The following LINGO2 variants were observed in gnomAD, a reference collection of about 807,000 sequenced individuals.
LINGO2 encodes leucine rich repeat and Ig domain containing 2, also known as leucine-rich repeat and immunoglobulin-like domain-containing nogo receptor-interacting protein 2.
A neutral mutation model predicts 30.6 loss-of-function variants in LINGO2; 14 were observed. The ratio of observed to expected loss-of-function variants is 0.46; its 90% CI spans 0.30 to 0.72. LINGO2 has a LOEUF of 0.72. Among genes scored for constraint, LINGO2 ranks in the 30% least tolerant of loss-of-function variants. The probability of loss-of-function intolerance (pLI) is 0.07; values close to 1 mark genes in which losing one functional copy is unlikely to be tolerated. For synonymous variants in LINGO2, 317 were observed against 288.5 expected, an observed-to-expected ratio of 1.10 and a Z score of -1.00; for missense variants, 729 against 751.7, an observed-to-expected ratio of 0.97 and a Z score of 0.35.
intron 4 of LINGO2, among the ~76,000 whole-genome samples, chr9:28,281,461 A>T (rs942272958): frequency 1.0e-3 from 100 of 96,894 alleles, no homozygotes; most frequent in African/African-American, 3.7e-3. Context: ...ATCAATTAAA[A>T]AATTTACATA....
At chr9:28,032,706 T>G (rs943244981) in intron 4 of LINGO2, among the ~76,000 whole-genome samples, 8 of 152,200 alleles carry the variant, frequency 5.3e-5, no homozygotes, top group Admixed American at 5.2e-4. Flanking sequence ...AATGAAAACC[T>G]ATAACCCATG....
chr9:28,008,455 C>T (rs1445527710), intron 5 of LINGO2, among the ~76,000 whole-genome samples: 1 of 149,442 alleles, frequency 6.7e-6, no homozygotes, highest in Non-Finnish European at 1.5e-5. Context: ...CACCATTGCA[C>T]TGAAGATTCT....
intron 1 of LINGO2, among the ~76,000 whole-genome samples, chr9:28,479,537 T>C (rs1253787662): frequency 1.3e-5 from 2 of 151,902 alleles, no homozygotes; most frequent in African/African-American, 4.8e-5. Flanking sequence ...CAAAGATCTT[T>C]CTGAAGGCAT....
chr9:28,306,259 A>C (rs1242979749), intron 3 of LINGO2, among the ~76,000 whole-genome samples: 1 of 152,138 alleles, frequency 6.6e-6, no homozygotes, highest in Non-Finnish European at 1.5e-5. Flanking sequence ...AAACATGTTT[A>C]AATATTTGTT....
the LINGO2 span, among the ~76,000 whole-genome samples, chr9:28,764,642 T>C: frequency 6.6e-6 from 1 of 151,856 alleles, no homozygotes; most frequent in Non-Finnish European, 1.5e-5. Context: ...GTACTGGAAA[T>C]ACTAGCAAGA....
chr9:28,494,981 T>A (rs574969273), intron 1 of LINGO2, among the ~76,000 whole-genome samples: 3 of 152,354 alleles, frequency 2.0e-5, no homozygotes, highest in African/African-American at 7.2e-5. Context: ...ATGATGAGCA[T>A]TTTTTCATGT....
chr9:28,953,747 A>C, the LINGO2 span, among the ~76,000 whole-genome samples: 1 of 152,128 alleles, frequency 6.6e-6, no homozygotes, highest in Non-Finnish European at 1.5e-5. Flanking sequence ...ATTGTAGAAT[A>C]CTTCTTTGAT....
chr9:28,523,659 A>C (rs73441410), intron 1 of LINGO2, among the ~76,000 whole-genome samples: 6,873 of 152,242 alleles, frequency 0.045, 490 homozygotes, highest in African/African-American at 0.15. Context: ...TCAAAAATAA[A>C]ATTAAGAAAA....
chr9:28,258,817 T>A (rs994351453), intron 4 of LINGO2, among the ~76,000 whole-genome samples: 4 of 151,926 alleles, frequency 2.6e-5, no homozygotes, highest in Non-Finnish European at 5.9e-5. Context: ...TTATACAATG[T>A]GTATAAGTCA....
At chr9:28,707,253 C>T in the LINGO2 span, among the ~76,000 whole-genome samples, 1 of 152,000 alleles carries the variant, frequency 6.6e-6, no homozygotes, top group Non-Finnish European at 1.5e-5. Context: ...TAGGAGGGCC[C>T]TAATAGAATC....
chr9:28,757,637 C>T, the LINGO2 span, among the ~76,000 whole-genome samples: 1 of 151,896 alleles, frequency 6.6e-6, no homozygotes, highest in Admixed American at 6.6e-5. Context: ...AACTGATCTC[C>T]AATTAGGCCA....
rs544927287 is a variant in LINGO2, at chr9:28,514,568, A to G, written c.-364-38543T>C. On this transcript the variant is annotated intron_variant, in intron 1 of 5. Transcript: ENST00000379992. The stretch of plus-strand genomic sequence containing the variant: ...TCTAAGCCAAAACCTAATCTAGAGC[A>G]AGGCCCTAACTCTCTTCTATTATAT... 8.0e-4 allele frequency among the ~76,000 whole-genome samples: 122 copies of G among 152,328 alleles called. 1 individual carries two copies. The highest frequency in any genetic ancestry group is 2.7e-3 in the African/African-American group (111 of 41,584).
intron 3 of LINGO2, among the ~76,000 whole-genome samples, chr9:28,356,679 C>A (rs756831010): frequency 6.6e-6 from 1 of 152,118 alleles, no homozygotes; most frequent in African/African-American, 2.4e-5. Context: ...ATCCCTTTTA[C>A]CATATTTCTA....
chr9:28,237,835 C>G (rs1251925705), intron 4 of LINGO2, among the ~76,000 whole-genome samples: 1 of 152,032 alleles, frequency 6.6e-6, no homozygotes, highest in African/African-American at 2.4e-5. Flanking sequence ...GCCTGGGCAA[C>G]AGAGTGAGAC....
chr9:28,640,646 G>A (rs984766933), intron 1 of LINGO2, among the ~76,000 whole-genome samples: 11 of 151,512 alleles, frequency 7.3e-5, no homozygotes, highest in Admixed American at 5.9e-4. Context: ...CATTCGTCAC[G>A]TAGTTCTCGT....
chr9:28,512,128 T>C (rs1820411824), intron 1 of LINGO2, among the ~76,000 whole-genome samples: 1 of 152,094 alleles, frequency 6.6e-6, no homozygotes. Context: ...ATCACATATG[T>C]AGCACTTCCA....
At chr9:28,811,254 C>G in the LINGO2 span, among the ~76,000 whole-genome samples, 3 of 152,122 alleles carry the variant, frequency 2.0e-5, no homozygotes, top group Non-Finnish European at 4.4e-5. Context: ...TATCTTGAAA[C>G]CATCCAGTCT....
At chr9:29,025,798 C>A in the LINGO2 span, among the ~76,000 whole-genome samples, 6 of 152,062 alleles carry the variant, frequency 3.9e-5, no homozygotes, top group African/African-American at 1.4e-4. Flanking sequence ...ATCAACATCT[C>A]CCCCCTCTAC....
chr9:28,628,443 T>C (rs1826785255), intron 1 of LINGO2, among the ~76,000 whole-genome samples: 1 of 152,106 alleles, frequency 6.6e-6, no homozygotes, highest in Admixed American at 6.6e-5. Context: ...GTATTTCAGT[T>C]CTGTGCACTA....
Sources: allele counts gnomAD v4.1 joint callset (sites outside exome capture counted in the v4.1 genomes callset), GRCh38; gene constraint gnomAD v4.1.1; transcripts MANE v1.5; gene names NCBI Gene and HGNC (gene_info 2026-07-23, HGNC 2026-07-21).